The following CFAP70 variants were observed in gnomAD, a reference collection of about 807,000 sequenced individuals.
The protein encoded by CFAP70 is cilia- and flagella-associated protein 70.
In CFAP70, 81 loss-of-function variants were observed where a neutral mutation model predicts 137.6. The ratio of observed to expected loss-of-function variants is 0.59; its 90% CI spans 0.49 to 0.71. The LOEUF is 0.71. Among genes scored for constraint, CFAP70 ranks in the 30% least tolerant of loss-of-function variants. The pLI, the probability that CFAP70 is intolerant of heterozygous loss-of-function variation, is 0.00. For synonymous variants in CFAP70, 382 were observed against 423.6 expected (o/e 0.90, Z 1.20); for missense variants, 976 against 1,226.7 (o/e 0.80, Z 3.05).
intron 7 of CFAP70, among the ~76,000 whole-genome samples, chr10:73,334,187 T>C (rs1236903407): frequency 6.6e-6 from 1 of 152,206 alleles, no homozygotes; most frequent in Non-Finnish European, 1.5e-5. Flanking sequence ...TGAAGACTGA[T>C]AGTTACCTAC....
At chr10:73,299,208 G>T in intron 13 of CFAP70, 107 bp from the exon 15 acceptor site, 2 of 787,368 alleles carry the variant, frequency 2.5e-6, no homozygotes, top group Non-Finnish European at 4.0e-6. Flanking sequence ...TTATTAGTTT[G>T]TTTGTTTGTT....
exon 20 of CFAP70, chr10:73,278,294 T>C (rs1037260716): frequency 8.7e-6 from 14 of 1,613,934 alleles, no homozygotes; most frequent in Non-Finnish European, 1.2e-5. Context: ...GTTTGGAGGA[T>C]TCTTCAAGAA....
Position 73,348,560 on chromosome 10 carries a change from C to T in CFAP70, c.251-39G>A, listed in dbSNP as rs572314487. On this transcript the variant is annotated intron_variant, in intron 3 of 26. Coordinates refer to ENST00000310715, the Ensembl canonical transcript of CFAP70. ...AACAAAGAAAATGAGACATTTAAAA[C>T]ACATCTATCCGATAACCAAGCTGCA... 1.8e-5 allele frequency: 23 copies of T among 1,290,794 alleles called. No individual in the cohort carries two copies. In the East Asian group the frequency reaches 5.4e-4, roughly 30 times the overall value. The allele number at this position is 1,290,794 out of a possible 1,614,324, so 80.0% of individuals were successfully genotyped here.
chr10:73,302,414 G>A (rs977878245), intron 12 of CFAP70, among the ~76,000 whole-genome samples: 1 of 152,150 alleles, frequency 6.6e-6, no homozygotes, highest in African/African-American at 2.4e-5. Flanking sequence ...CACACCACTG[G>A]ATTTAACAGT....
chr10:73,267,859 C>T (rs552647500), intron 25 of CFAP70, among the ~76,000 whole-genome samples: 3 of 152,268 alleles, frequency 2.0e-5, no homozygotes, highest in Admixed American at 2.0e-4. Flanking sequence ...TATAAGGTCC[C>T]TGTTTCCTTG....
intron 23 of CFAP70, 33 bp downstream of exon 24, chr10:73,274,400 C>T (rs375473254): frequency 1.3e-6 from 2 of 1,579,726 alleles, no homozygotes; most frequent in Non-Finnish European, 1.7e-6. Context: ...AGTTCCCAGA[C>T]CACGGGGTTA....
chr10:73,275,351 C>G lies in CFAP70; in HGVS notation c.2673+95G>C. 4 of 1,385,042 alleles carry G rather than the reference C, an allele frequency of 2.9e-6. No individual in the cohort carries two copies. In the South Asian group the frequency reaches 5.9e-5, roughly 21 times the overall value. 85.8% of individuals were successfully genotyped at this position (1,385,042 alleles called of 1,614,324 possible). On this transcript the variant is annotated intron_variant, in intron 22 of 26. Transcript: ENST00000310715. This position sits in a 1 kb window ranked among gnomAD's most constrained non-coding sequence, Gnocchi z 4.0. Reference sequence around the variant, plus strand: ...AGTTTACTGACAGCTGATGACCACCCTTCTGTTCACCAGAAATCTACGTGT... The same window carrying G: ...AGTTTACTGACAGCTGATGACCACCGTTCTGTTCACCAGAAATCTACGTGT...
chr10:73,269,665 C>G, exon 25 of CFAP70: 1 of 1,613,826 alleles, frequency 6.2e-7, no homozygotes, highest in Non-Finnish European at 8.5e-7. Context: ...TGTAGTTGTT[C>G]AATGCATTGG....
At chr10:73,292,041 T>C in intron 16 of CFAP70, 27 bp from the exon 18 acceptor site, 1 of 1,612,134 alleles carries the variant, frequency 6.2e-7, no homozygotes, top group Non-Finnish European at 8.5e-7. Flanking sequence ...CCAAGGTTAT[T>C]GTGATACTAT....
intron 15 of CFAP70, 141 bp downstream of exon 16, chr10:73,296,901 A>T: frequency 1.1e-6 from 1 of 935,748 alleles, no homozygotes; most frequent in Non-Finnish European, 1.5e-6. Context: ...GCAGTTTCTT[A>T]CTCATCTTTG....
chr10:73,291,844 C>T (rs754092446), intron 17 of CFAP70, 37 bp downstream of exon 18: 1 of 1,613,748 alleles, frequency 6.2e-7, no homozygotes. Flanking sequence ...CTTATCTGTT[C>T]CTTCCCACTG....
At chr10:73,323,326 G>A (rs376447108) in intron 8 of CFAP70, among the ~76,000 whole-genome samples, 6 of 134,330 alleles carry the variant, frequency 4.5e-5, no homozygotes, top group East Asian at 4.4e-4. Flanking sequence ...TGTTAATGGC[G>A]GGGGCGGGGG....
chr10:73,294,369 C>T (rs964052975), intron 15 of CFAP70: 1 of 152,242 alleles, frequency 6.6e-6, no homozygotes, highest in Non-Finnish European at 1.5e-5. Context: ...TCATGATAAC[C>T]CACTCAGGCT....
At chr10:73,297,449 CATTAGGT>C (rs2048626029) in intron 14 of CFAP70, among the ~76,000 whole-genome samples, 2 of 152,202 alleles carry the variant, frequency 1.3e-5, no homozygotes, top group South Asian at 4.1e-4. Context: ...AAAATCTGAG[CATTAGGT>C]TTAGGCATTA....
At chr10:73,351,353 C>T (rs185148309) in intron 3 of CFAP70, among the ~76,000 whole-genome samples, 372 of 151,784 alleles carry the variant, frequency 2.5e-3, no homozygotes, top group African/African-American at 8.4e-3. Flanking sequence ...CTCCTGACCT[C>T]GTGATCTGCC....
intron 14 of CFAP70, among the ~76,000 whole-genome samples, chr10:73,297,847 T>TC (rs754329159): frequency 3.3e-5 from 5 of 152,178 alleles, no homozygotes; most frequent in African/African-American, 4.8e-5. Flanking sequence ...ATTAACCTCA[T>TC]CCCTGTTGTT....
chr10:73,338,144 T>A (rs2052873893), intron 6 of CFAP70, among the ~76,000 whole-genome samples: 1 of 104,944 alleles, frequency 9.5e-6, no homozygotes, highest in African/African-American at 4.7e-5. Flanking sequence ...TATATGCGGA[T>A]TTTTTTTTTT....
At chr10:73,310,288 A>C in intron 11 of CFAP70, 39 bp from the exon 13 acceptor site, 2 of 1,465,794 alleles carry the variant, frequency 1.4e-6, no homozygotes, top group Non-Finnish European at 1.9e-6. Flanking sequence ...CCAGAAAAAA[A>C]TATATTTATG....
intron 25 of CFAP70, among the ~76,000 whole-genome samples, chr10:73,258,147 A>T (rs112016698): frequency 1.5e-4 from 23 of 152,202 alleles, no homozygotes; most frequent in African/African-American, 5.1e-4. Flanking sequence ...AAAAGTGGTT[A>T]TGCCAATTTA....
Sources: gnomAD v4.1 joint callset for allele counts (sites outside exome capture counted in the v4.1 genomes callset) on GRCh38, gnomAD v4.1.1 for gene constraint, Gnocchi (gnomAD v3.1) non-coding constraint, MANE v1.5 for transcripts, NCBI Gene and HGNC (gene_info 2026-07-23, HGNC 2026-07-21) for gene names.